The following HOOK2 variants were observed in gnomAD, a reference collection of about 807,000 sequenced individuals.
HOOK2 encodes the protein hook microtubule tethering protein 2.
HOOK2 carries 108 observed loss-of-function variants against 111.9 expected under a neutral mutation model. That is an observed-to-expected ratio of 0.96 (90% CI 0.83 to 1.13). The LOEUF is 1.13. HOOK2 is among the 50% of genes most tolerant of loss of function. The pLI is 0.00. For synonymous variants in HOOK2, 405 were observed against 394.3 expected, an observed-to-expected ratio of 1.03 and a Z score of -0.32; for missense variants, 978 against 951.3, an observed-to-expected ratio of 1.03 and a Z score of -0.37.
chr19:12,791,739 A>C lies in HOOK2; in HGVS notation n.42-17514T>G. ...GCAGCGAGGCCCGGAGCGGCCCCGC[A>C]GGGACCCTCCCCAGACCGCCTGGGC... is the stretch of plus-strand genomic sequence containing the variant. On this transcript the variant is annotated intron_variant and non_coding_transcript_variant, in intron 3 of 3. Coordinates refer to the HOOK2 transcript ENST00000589765. The surrounding 1 kb of genome is among the most constrained non-coding windows in gnomAD (Gnocchi z 7.0). The C allele has an allele frequency of 6.6e-7, 1 of 1,517,390 alleles. No homozygotes were observed. Among genetic ancestry groups the C allele is most frequent in the African/African-American group, 1.4e-5 (1 of 72,152 alleles). The allele number at this position is 1,517,390 out of a possible 1,614,324, so 94.0% of individuals were successfully genotyped here.
rs779699047 is a variant in HOOK2 at position 12,763,353 on chromosome 19, C to T, written c.2089G>A (p.Ala697Thr). Reference sequence around the variant, plus strand: ...AAGGGTCCACGGCGAGAATTGGTTGCCAGCCGCTGCTGTGCCAGGAATGAC... The same window carrying T: ...AAGGGTCCACGGCGAGAATTGGTTGTCAGCCGCTGCTGTGCCAGGAATGAC... ...AQSFLAQQRL[A>T]TNSRRGPLGR... The change falls in exon 23 of 23, where the codon GCA (alanine) becomes ACA (threonine). Residue 697 changes from alanine to threonine, a missense_variant. Ala to Thr is a moderately conservative substitution (Grantham distance 58). Around this residue, in one of 5 missense-constraint regions of HOOK2, gnomAD observed 277 missense variants for 265.8 expected, o/e 1.04. Transcript: ENST00000397668. 2 of 1,614,034 alleles carry T rather than the reference C, an allele frequency of 1.2e-6. No individual in the cohort carries two copies. Among genetic ancestry groups the T allele is most frequent in the Middle Eastern group, 1.7e-4 (1 of 6,040 alleles).
chr19:12,768,071 C>T lies in HOOK2; in HGVS notation c.1157G>A (p.Trp386Ter). 1 of 1,614,226 alleles carries T rather than the reference C, an allele frequency of 6.2e-7. No individual in the cohort carries two copies. Among genetic ancestry groups the T allele is most frequent in the Non-Finnish European group, 8.5e-7 (1 of 1,180,050 alleles). The change falls in exon 12 of 23, where the codon TGG (tryptophan) becomes TAG (stop). Residue 386 changes from tryptophan (W) to a stop codon, truncating the protein, a stop_gained. Transcript: ENST00000397668. LOFTEE classifies it high-confidence loss of function. ...CTCCAGGTTGCGGCATTCAAATAGC[C>T]ATTTCTCGGCCTTCATGGCCTCCTC... ...RQEEAMKAEK[W>*]LFECRNLEEK...
At chr19:12,770,156 G>A in intron 10 of HOOK2, 74 bp from the exon 11 acceptor site, 2 of 1,291,266 alleles carry the variant, frequency 1.5e-6, no homozygotes, top group Non-Finnish European at 1.0e-6. Context: ...AGTGGCCCTT[G>A]GAGCACAGGG....
rs1321544297 is a variant in HOOK2, at chr19:12,763,118, A to G, written c.*164T>C. 13 of 663,312 alleles carry G rather than the reference A, an allele frequency of 2.0e-5. No individual in the cohort carries two copies. In the South Asian group the frequency reaches 2.3e-4, roughly 12 times the overall value. The allele number at this position is 663,312 out of a possible 1,614,324, so 41.1% of individuals were successfully genotyped here. A position where few individuals can be genotyped will look rare whatever the true frequency, so the allele number is the denominator to read the frequency against. On this transcript the variant is annotated 3_prime_UTR_variant, in exon 23 of 23. Coordinates refer to ENST00000397668, the MANE Select transcript of HOOK2 (RefSeq NM_013312.3). ...TCACATTGCTAAAAAGAACAGGCCT[A>G]TATCTACCTCCCGCCCTCCCTCCCC...
rs888285716 is a variant in HOOK2, at chr19:12,790,889, G to A, written n.42-16664C>T. On this transcript the variant is annotated intron_variant and non_coding_transcript_variant, in intron 3 of 3. Transcript: ENST00000589765. This position sits in a 1 kb window ranked among gnomAD's most constrained non-coding sequence, Gnocchi z 7.2. ...CTACTCATTTCTTGCAATTTAATGG[G>A]TCATGCAGCTCCACCCACTCACCCC... Among the ~76,000 whole-genome samples the A allele has an allele frequency of 6.6e-6, 1 of 152,040 alleles. No individual in the cohort carries two copies. Among genetic ancestry groups the A allele is most frequent in the Non-Finnish European group, 1.5e-5 (1 of 68,010 alleles).
chr19:12,774,331 C>T (rs1157592959), intron 3 of HOOK2: 2 of 360,714 alleles, frequency 5.5e-6, no homozygotes, highest in Admixed American at 3.9e-5. Flanking sequence ...GTCTTGAACT[C>T]CTGGCCCCAG....
At chr19:12,777,535 A>G (rs1968551540), upstream of HOOK2, among the ~76,000 whole-genome samples, 2 of 152,222 alleles carry the variant, frequency 1.3e-5, no homozygotes, top group African/African-American at 4.8e-5. Flanking sequence ...AGCAGTAGAT[A>G]AGGGGACACG....
At chr19:12,766,889 C>T (rs1033644804) in intron 14 of HOOK2, among the ~76,000 whole-genome samples, 9 of 151,882 alleles carry the variant, frequency 5.9e-5, no homozygotes, top group Admixed American at 2.0e-4. Flanking sequence ...GGTCGTTTTT[C>T]GGGTTTTTAA....
rs74995729 is a variant in HOOK2, at chr19:12,768,852, C to A, written c.1105-729G>T. ...TCCCTCTCTCAACCAGGCTGGAGTG[C>A]AGTGATGCGATCTTGGCTTACTGCA... is the stretch of plus-strand genomic sequence containing the variant. On this transcript the variant is annotated intron_variant, in intron 11 of 22. Transcript: ENST00000397668. Among the ~76,000 whole-genome samples the A allele has an allele frequency of 2.2e-3, 339 of 152,080 alleles. 9 individuals carry two copies. The East Asian group carries it at 0.057, about 26-fold the overall frequency.
At chr19:12,779,653 G>A (rs996390061), upstream of HOOK2, among the ~76,000 whole-genome samples, 6 of 152,190 alleles carry the variant, frequency 3.9e-5, no homozygotes, top group African/African-American at 1.4e-4. Context: ...ACGGCGCCTG[G>A]CCAAATGTGC....
chr19:12,771,114 CCCCGGT>C, intron 9 of HOOK2, 39 bp downstream of exon 9: 1 of 1,611,418 alleles, frequency 6.2e-7, no homozygotes, highest in Non-Finnish European at 8.5e-7. Context: ...GGCTGCCCTC[CCCCGGT>C]CCCCTGGCTT....
Position 12,763,164 on chromosome 19 carries a change from A to T in HOOK2, c.*118T>A. ...TCCCCACCAATCTGGGAGAGGGAAG[A>T]GCAGAGATCATGGCCTCAAAGCTCT... On this transcript the variant is annotated 3_prime_UTR_variant, in exon 23 of 23. Transcript: ENST00000397668. 1.1e-6 allele frequency: 1 copy of T among 922,168 alleles called. No individual in the cohort carries two copies. The highest frequency in any genetic ancestry group is 1.6e-6 in the Non-Finnish European group (1 of 611,368). 57.1% of individuals were successfully genotyped at this position (922,168 alleles called of 1,614,324 possible).
In HOOK2 at chr19:12,789,686, G is replaced by A. The variant is rs578230799; in HGVS notation, n.42-15461C>T. Reference sequence around the variant, plus strand: ...CTCCGCGCCCCGTCGGGCCGGGGGCGAAGTCCGACCCAGGCCCGCGGGCAG... The same window carrying A: ...CTCCGCGCCCCGTCGGGCCGGGGGCAAAGTCCGACCCAGGCCCGCGGGCAG... On this transcript the variant is annotated intron_variant and non_coding_transcript_variant, in intron 3 of 3. Coordinates refer to the HOOK2 transcript ENST00000589765. 1.1e-3 allele frequency among the ~76,000 whole-genome samples: 162 copies of A among 151,288 alleles called. 1 individual carries two copies. Among genetic ancestry groups the A allele is most frequent in the Non-Finnish European group, 1.6e-3 (105 of 67,686 alleles).
upstream of HOOK2, among the ~76,000 whole-genome samples, chr19:12,777,397 T>A (rs896568487): frequency 7.2e-5 from 11 of 151,804 alleles, no homozygotes; most frequent in African/African-American, 2.7e-4. Context: ...GGAGGATCGC[T>A]TGAGTCCGGG....
At chr19:12,770,869 G>T (rs1242536342) in intron 10 of HOOK2, 63 bp downstream of exon 10, 2 of 1,533,838 alleles carry the variant, frequency 1.3e-6, no homozygotes, top group Admixed American at 2.0e-5. Flanking sequence ...CATCAGAGGG[G>T]AACTCTGGAA....
chr19:12,792,063 G>A, intron 3 of HOOK2: 1 of 1,609,388 alleles, frequency 6.2e-7, no homozygotes, highest in South Asian at 1.1e-5. Flanking sequence ...CAGCAACGGC[G>A]TGATCACGAC....
At chr19:12,792,003 G>T in intron 3 of HOOK2, 1 of 1,611,726 alleles carries the variant, frequency 6.2e-7, no homozygotes, top group Non-Finnish European at 8.5e-7. Flanking sequence ...GGACACCGGC[G>T]CGTCTCTCAA....
chr19:12,765,730 A>G lies in HOOK2; in HGVS notation c.1606-6T>C. ...TTCCTTTTCAGCAAAATGGACTGGG[A>G]GAGAGAAGAGGCAAGGTGAGTGGGG... is the stretch of plus-strand genomic sequence containing the variant. On this transcript the variant is annotated splice_region_variant and splice_polypyrimidine_tract_variant and intron_variant, in intron 17 of 22. Transcript: ENST00000397668. 1 of 1,614,188 alleles carries G rather than the reference A, an allele frequency of 6.2e-7. No homozygotes were observed. Among genetic ancestry groups the G allele is most frequent in the South Asian group, 1.1e-5 (1 of 91,082 alleles).
chr19:12,764,678 G>A, intron 20 of HOOK2, 136 bp downstream of exon 20: 1 of 718,982 alleles, frequency 1.4e-6, no homozygotes. Flanking sequence ...GAATCATGCA[G>A]AAGTCTGTCT....
Sources: gnomAD v4.1 joint callset for allele counts (sites outside exome capture counted in the v4.1 genomes callset) on GRCh38, gnomAD v4.1.1 for gene constraint, gnomAD v4.1.1 regional missense constraint, Gnocchi (gnomAD v3.1) non-coding constraint, MANE v1.5 for transcripts, NCBI Gene and HGNC (gene_info 2026-07-23, HGNC 2026-07-21) for gene names.